The following ARHGAP8 variants were observed in gnomAD, a reference collection of about 807,000 sequenced individuals.
ARHGAP8 encodes the protein rho GTPase-activating protein 8.
Under a neutral mutation model 46.1 loss-of-function variants are expected in ARHGAP8, and 62 were observed. That is an observed-to-expected ratio of 1.34 (90% confidence interval 1.10 to 1.66). The LOEUF (loss-of-function observed/expected upper bound fraction) is 1.66. Among genes scored for constraint, ARHGAP8 ranks in the 40% most tolerant of loss-of-function variants. ARHGAP8 has a pLI of 0.00. For missense variants in ARHGAP8, 923 were observed against 568.4 expected, an observed-to-expected ratio of 1.62 and a Z score of -6.34; for synonymous variants, 375 against 243.1, an observed-to-expected ratio of 1.54 and a Z score of -5.05.
intron 1 of ARHGAP8, among the ~76,000 whole-genome samples, chr22:44,767,680 C>A (rs1438644057): frequency 1.3e-5 from 2 of 151,828 alleles, no homozygotes; most frequent in African/African-American, 4.8e-5. Context: ...ACATCCCAGC[C>A]TGGCCAACAT....
intron 10 of ARHGAP8, among the ~76,000 whole-genome samples, chr22:44,852,189 C>CAAAAAAAAAAAAAAA (rs58207915): frequency 1.3e-5 from 1 of 76,034 alleles, no homozygotes; most frequent in African/African-American, 6.1e-5. Flanking sequence ...GAGACTTTGT[C>CAAAAAAAAAAAAAAA]AAAAAAAAAA....
chr22:44,807,005 C>T (rs751065644), intron 3 of ARHGAP8, among the ~76,000 whole-genome samples: 38 of 151,984 alleles, frequency 2.5e-4, no homozygotes, highest in African/African-American at 8.2e-4. Context: ...AAGCTGGCAT[C>T]CTTGGTCTCC....
intron 7 of ARHGAP8, among the ~76,000 whole-genome samples, chr22:44,831,547 A>G (rs1454141545): frequency 1.3e-5 from 2 of 152,120 alleles, no homozygotes; most frequent in Non-Finnish European, 2.9e-5. Flanking sequence ...TAATACAAAA[A>G]AATGTGCTGG....
At chr22:44,823,101 G>A (rs1930270231) in intron 6 of ARHGAP8, among the ~76,000 whole-genome samples, 1 of 152,208 alleles carries the variant, frequency 6.6e-6, no homozygotes, top group South Asian at 2.1e-4. Flanking sequence ...AGTACGTGCA[G>A]GGAAGGCTGG....
intron 10 of ARHGAP8, among the ~76,000 whole-genome samples, chr22:44,858,899 AT>A (rs2070329567): frequency 6.6e-6 from 1 of 151,534 alleles, no homozygotes; most frequent in South Asian, 2.1e-4. Flanking sequence ...CAGATAGTAA[AT>A]ATGTTAGGCT....
intron 11 of ARHGAP8, among the ~76,000 whole-genome samples, chr22:44,860,793 C>T (rs1036689066): frequency 2.0e-5 from 3 of 152,098 alleles, no homozygotes; most frequent in South Asian, 4.2e-4. Context: ...TGGGTCCACC[C>T]CCAACCCCCA....
intron 1 of ARHGAP8, among the ~76,000 whole-genome samples, chr22:44,763,259 G>A (rs1163412244): frequency 6.6e-6 from 1 of 151,962 alleles, no homozygotes; most frequent in Non-Finnish European, 1.5e-5. Flanking sequence ...CACTTTGGGA[G>A]GCCAAGGCGG....
chr22:44,854,148 C>T (rs896546473), intron 10 of ARHGAP8, among the ~76,000 whole-genome samples: 2 of 150,672 alleles, frequency 1.3e-5, no homozygotes, highest in Non-Finnish European at 2.9e-5. Context: ...TTTCCTGGGC[C>T]TGCCAGGAAG....
chr22:44,790,732 G>A (rs1231747344), intron 2 of ARHGAP8, among the ~76,000 whole-genome samples: 17 of 58,138 alleles, frequency 2.9e-4, no homozygotes, highest in Admixed American at 3.9e-4. Flanking sequence ...GAACCTGGCC[G>A]TTTTTTTTTT....
intron 1 of ARHGAP8, among the ~76,000 whole-genome samples, chr22:44,781,526 T>C (rs1926844264): frequency 6.6e-6 from 1 of 152,038 alleles, no homozygotes; most frequent in Non-Finnish European, 1.5e-5. Context: ...ATTTTTTAAA[T>C]GTTTATTTAT....
At chr22:44,767,982 G>GTTT (rs1569134963) in intron 1 of ARHGAP8, among the ~76,000 whole-genome samples, 4 of 69,756 alleles carry the variant, frequency 5.7e-5, no homozygotes, top group Admixed American at 2.0e-4. Context: ...CCCGCATGAT[G>GTTT]TCTTTTTTTT....
At chr22:44,827,336 G>GTTTTTTTT (rs796490147) in intron 7 of ARHGAP8, among the ~76,000 whole-genome samples, 729 of 67,246 alleles carry the variant, frequency 0.011, 186 homozygotes, top group African/African-American at 0.027. Flanking sequence ...TTGGGTGGTG[G>GTTTTTTTT]TTTTTTTTTT....
intron 5 of ARHGAP8, among the ~76,000 whole-genome samples, chr22:44,820,460 C>T (rs13053938): frequency 0.23 from 34,850 of 152,156 alleles, 4,467 homozygotes; most frequent in South Asian, 0.34. Context: ...GACAGTACTT[C>T]ACAGCCCCGG....
chr22:44,794,912 G>A (rs948876241), intron 2 of ARHGAP8, among the ~76,000 whole-genome samples: 4 of 151,282 alleles, frequency 2.6e-5, no homozygotes, highest in African/African-American at 4.9e-5. Context: ...GCTTTAGCTC[G>A]AGCCTGTAAT....
At chr22:44,760,345 G>A (rs567721355) in intron 1 of ARHGAP8, among the ~76,000 whole-genome samples, 8 of 152,192 alleles carry the variant, frequency 5.3e-5, no homozygotes, top group Non-Finnish European at 1.2e-4. Context: ...TCAGCCATGA[G>A]CAAGATCTCC....
chr22:44,824,299 C>CT (rs1930354469), intron 6 of ARHGAP8, among the ~76,000 whole-genome samples: 1 of 152,364 alleles, frequency 6.6e-6, no homozygotes, highest in Non-Finnish European at 1.5e-5. Context: ...TGGGGAGCCA[C>CT]TTGGGGCGCA....
chr22:44,854,752 C>T lies in ARHGAP8; in HGVS notation c.878-4979C>T, dbSNP rs1345636246. 3.3e-5 allele frequency among the ~76,000 whole-genome samples: 5 copies of T among 152,334 alleles called. No individual in the cohort carries two copies. The South Asian group carries it at 6.2e-4, about 19-fold the overall frequency. On this transcript the variant is annotated intron_variant, in intron 10 of 11. Coordinates refer to ENST00000356099, the MANE Select transcript of ARHGAP8 (RefSeq NM_181335.3). ...CTCCTGGGTTCAAGCAATTCTCCCACCTCAGCCTCCCGAGTAGCTGGGATT... is the reference window on the plus strand; with the variant it reads ...CTCCTGGGTTCAAGCAATTCTCCCATCTCAGCCTCCCGAGTAGCTGGGATT...
At chr22:44,796,767 G>GT (rs1439997812) in intron 2 of ARHGAP8, among the ~76,000 whole-genome samples, 1 of 152,186 alleles carries the variant, frequency 6.6e-6, no homozygotes, top group African/African-American at 2.4e-5. Context: ...TGCATTGTTC[G>GT]TAATAAAGCT....
chr22:44,786,412 C>T, intron 1 of ARHGAP8, 45 bp from the exon 2 acceptor site: 1 of 1,546,480 alleles, frequency 6.5e-7, no homozygotes, highest in Non-Finnish European at 8.7e-7. Flanking sequence ...CATTCCCCGC[C>T]TTACTGGAGA....
Sources: allele counts gnomAD v4.1 joint callset (sites outside exome capture counted in the v4.1 genomes callset), GRCh38; gene constraint gnomAD v4.1.1; transcripts MANE v1.5; gene names NCBI Gene and HGNC (gene_info 2026-07-23, HGNC 2026-07-21).